ACTR10: variants seen among roughly 807,000 people sequenced by gnomAD.
ACTR10 encodes actin related protein 10, also known as actin-related protein 10.
A neutral mutation model predicts 56.2 loss-of-function variants in ACTR10; 43 were observed. That is an observed-to-expected ratio of 0.77 (90% confidence interval 0.60 to 0.99). The LOEUF (loss-of-function observed/expected upper bound fraction) is 0.99, where lower values mean the gene tolerates loss of function less well. ACTR10 is among the 50% of genes least tolerant of loss of function. ACTR10 has a pLI of 0.00. For synonymous variants in ACTR10, 170 were observed against 176.3 expected, an observed-to-expected ratio of 0.96 and a Z score of 0.28; for missense variants, 466 against 507.8, an observed-to-expected ratio of 0.92 and a Z score of 0.79.
intron 10 of ACTR10, among the ~76,000 whole-genome samples, chr14:58,229,676 TCAAA>T (rs1889485042): frequency 9.8e-6 from 1 of 102,212 alleles, no homozygotes; most frequent in South Asian, 3.0e-4. Context: ...AGACTCTGTA[TCAAA>T]AAAAAAAAAA....
chr14:58,226,600 T>TG (rs1176945854), intron 10 of ACTR10, among the ~76,000 whole-genome samples: 1 of 152,066 alleles, frequency 6.6e-6, no homozygotes, highest in Non-Finnish European at 1.5e-5. Flanking sequence ...TTTTTTGTTT[T>TG]GTTTTGTTTT....
chr14:58,222,096 ATGTAT>A (rs147008289), intron 8 of ACTR10, among the ~76,000 whole-genome samples: 7,108 of 152,172 alleles, frequency 0.047, 200 homozygotes, highest in Non-Finnish European at 0.07. Context: ...TCACTACATA[ATGTAT>A]TATGAAAAGA....
intron 10 of ACTR10, among the ~76,000 whole-genome samples, chr14:58,226,454 C>T (rs1214492121): frequency 6.8e-6 from 1 of 147,734 alleles, no homozygotes; most frequent in Non-Finnish European, 1.5e-5. Flanking sequence ...AAAGGAAATT[C>T]AATGAACATG....
At chr14:58,219,428 A>G (rs1383338867) in intron 7 of ACTR10, 2 of 287,048 alleles carry the variant, frequency 7.0e-6, no homozygotes, top group East Asian at 7.0e-5. Context: ...ATGTTAGCAC[A>G]TTACTGACAA....
intron 8 of ACTR10, among the ~76,000 whole-genome samples, chr14:58,221,280 TAA>T (rs35943337): frequency 0.39 from 42,151 of 107,364 alleles, 7,473 homozygotes; most frequent in Middle Eastern, 0.46. Flanking sequence ...AGACTCTGTC[TAA>T]AAAAAAAAAA....
intron 11 of ACTR10, chr14:58,231,287 G>A: frequency 6.0e-6 from 1 of 167,398 alleles, no homozygotes; most frequent in Non-Finnish European, 1.3e-5. Flanking sequence ...CCCGACCTCA[G>A]GTAATCCACC....
intron 10 of ACTR10, among the ~76,000 whole-genome samples, chr14:58,228,261 C>T (rs903715949): frequency 6.6e-5 from 10 of 152,048 alleles, no homozygotes; most frequent in Admixed American, 3.9e-4. Flanking sequence ...GTAGCTACCA[C>T]GTTTTTGTTT....
Position 58,234,434 on chromosome 14 carries a change from T to G in ACTR10, c.1137T>G (p.Asn379Lys). 6.2e-7 allele frequency: 1 copy of G among 1,613,302 alleles called. No individual in the cohort carries two copies. Among genetic ancestry groups the G allele is most frequent in the Non-Finnish European group, 8.5e-7 (1 of 1,179,538 alleles). ...GSRSVSKEYY[N>K]QTGRIPDWCS... ...GTTCTGTTTCAAAGGAATATTATAATCAGACGGGCCGTATACCTGATTGGT... is the reference window on the plus strand; with the variant it reads ...GTTCTGTTTCAAAGGAATATTATAAGCAGACGGGCCGTATACCTGATTGGT... Residue 379 changes from asparagine to lysine, a missense_variant, in exon 13 of 13, where the codon AAT (asparagine) becomes AAG (lysine). Physicochemically the swap from Asn to Lys is moderately conservative, Grantham distance 94. Transcript: ENST00000254286.
chr14:58,209,838 T>A (rs955979927), intron 4 of ACTR10, among the ~76,000 whole-genome samples: 7 of 152,184 alleles, frequency 4.6e-5, no homozygotes, highest in Non-Finnish European at 8.8e-5. Flanking sequence ...GAATAAGAAA[T>A]TAAGCACATA....
chr14:58,233,788 CA>C (rs1309648255), intron 12 of ACTR10, among the ~76,000 whole-genome samples: 1 of 152,104 alleles, frequency 6.6e-6, no homozygotes, highest in Admixed American at 6.6e-5. Context: ...CAGGATTGTG[CA>C]TTTAGAGAAA....
chr14:58,219,035 G>C (rs975504684), intron 7 of ACTR10, among the ~76,000 whole-genome samples: 7 of 152,092 alleles, frequency 4.6e-5, no homozygotes, highest in African/African-American at 1.7e-4. Context: ...GGTCAGGCTG[G>C]TCTTGAACTC....
intron 7 of ACTR10, among the ~76,000 whole-genome samples, chr14:58,216,270 G>T (rs963416969): frequency 6.6e-6 from 1 of 152,010 alleles, no homozygotes; most frequent in Admixed American, 6.6e-5. Context: ...GACTACAGGC[G>T]CAAGCCACCA....
At chr14:58,231,668 C>T (rs766875131) in intron 11 of ACTR10, among the ~76,000 whole-genome samples, 6 of 152,022 alleles carry the variant, frequency 3.9e-5, no homozygotes, top group African/African-American at 7.3e-5. Context: ...TGTGAATACA[C>T]CTTAGAAAAA....
chr14:58,220,771 AAACT>A (rs1184825206), intron 8 of ACTR10, among the ~76,000 whole-genome samples: 8 of 152,228 alleles, frequency 5.3e-5, no homozygotes, highest in Admixed American at 5.2e-4. Flanking sequence ...TAAGGATTGC[AAACT>A]AACCTTTTTG....
chr14:58,210,029 A>G (rs1888955805), intron 4 of ACTR10, among the ~76,000 whole-genome samples: 1 of 152,214 alleles, frequency 6.6e-6, no homozygotes, highest in Admixed American at 6.5e-5. Context: ...TTTCATTTGT[A>G]GTAAGGAGAA....
intron 2 of ACTR10, among the ~76,000 whole-genome samples, chr14:58,206,181 C>CTT (rs938109409): frequency 6.9e-6 from 1 of 145,586 alleles, no homozygotes; most frequent in Non-Finnish European, 1.5e-5. Flanking sequence ...GAGCTTTTAT[C>CTT]TTTTTTTTTT....
At chr14:58,228,507 A>C (rs896434037) in intron 10 of ACTR10, among the ~76,000 whole-genome samples, 2 of 151,596 alleles carry the variant, frequency 1.3e-5, no homozygotes, top group Non-Finnish European at 2.9e-5. Context: ...CTGTAATCAC[A>C]CCTACTTGGG....
chr14:58,205,505 C>T (rs1432410820), intron 2 of ACTR10, among the ~76,000 whole-genome samples: 2 of 151,582 alleles, frequency 1.3e-5, no homozygotes, highest in African/African-American at 2.4e-5. Context: ...TTAGTAGAGA[C>T]GGGGTTTCAC....
chr14:58,217,696 A>G (rs1263083138), intron 7 of ACTR10, among the ~76,000 whole-genome samples: 1 of 152,004 alleles, frequency 6.6e-6, no homozygotes, highest in Non-Finnish European at 1.5e-5. Context: ...AGAAATGCAA[A>G]CAAATTTAAA....
Sources: gnomAD v4.1 joint callset for allele counts (sites outside exome capture counted in the v4.1 genomes callset) on GRCh38, gnomAD v4.1.1 for gene constraint, MANE v1.5 for transcripts, NCBI Gene and HGNC (gene_info 2026-07-23, HGNC 2026-07-21) for gene names.